The following FNBP4 variants were observed in gnomAD, a reference collection of about 807,000 sequenced individuals.
FNBP4 encodes the protein formin-binding protein 4.
FNBP4 carries 34 observed loss-of-function variants against 119.3 expected under a neutral mutation model. That is an observed-to-expected ratio of 0.28 (90% CI 0.22 to 0.38). FNBP4 has a LOEUF of 0.38. Among genes scored for constraint, FNBP4 ranks in the 10% least tolerant of loss-of-function variants. FNBP4 has a pLI of 1.00. For missense variants in FNBP4, 1,112 were observed against 1,228.9 expected (o/e 0.90, Z 1.42); for synonymous variants, 462 against 430.6 (o/e 1.07, Z -0.90).
intron 12 of FNBP4, among the ~76,000 whole-genome samples, chr11:47,728,103 C>T (rs1023418142): frequency 1.3e-5 from 2 of 151,836 alleles, no homozygotes; most frequent in Non-Finnish European, 2.9e-5. Flanking sequence ...CTTGAACTCC[C>T]GACCTCAGGT....
chr11:47,759,494 G>A (rs568958373), intron 2 of FNBP4, among the ~76,000 whole-genome samples: 27 of 152,074 alleles, frequency 1.8e-4, no homozygotes, highest in East Asian at 1.4e-3. Flanking sequence ...GATTACAGGC[G>A]TGAACCATGG....
rs374223865 is a variant in FNBP4, at chr11:47,756,758, T to C, written c.314-2094A>G. ...CCCACCCTGTGTCCAAATGTTCTCATTGTTCAATTCCTACCTATGAGTGAG... is the reference window on the plus strand; with the variant it reads ...CCCACCCTGTGTCCAAATGTTCTCACTGTTCAATTCCTACCTATGAGTGAG... On this transcript the variant is annotated intron_variant, in intron 2 of 16. Transcript: ENST00000263773. 2.0e-5 allele frequency among the ~76,000 whole-genome samples: 3 copies of C among 147,524 alleles called. No individual in the cohort carries two copies. In the East Asian group the frequency reaches 6.5e-4, roughly 32 times the overall value.
At chr11:47,725,642 C>T in intron 12 of FNBP4, 4 of 334,716 alleles carry the variant, frequency 1.2e-5, no homozygotes, top group Non-Finnish European at 1.7e-5. Flanking sequence ...GTTGCAGGAT[C>T]AGCTTTCCTC....
At chr11:47,719,418 G>C (rs1404258562) in intron 16 of FNBP4, among the ~76,000 whole-genome samples, 2 of 152,198 alleles carry the variant, frequency 1.3e-5, no homozygotes, top group African/African-American at 4.8e-5. Flanking sequence ...GTGCAATTGA[G>C]AAGGCAGCTC....
chr11:47,761,262 T>C (rs1212076307), intron 2 of FNBP4, among the ~76,000 whole-genome samples: 1 of 152,078 alleles, frequency 6.6e-6, no homozygotes, highest in East Asian at 1.9e-4. Flanking sequence ...ACACTGAAAA[T>C]AAACGTTCAC....
chr11:47,752,907 C>G lies in FNBP4; in HGVS notation c.637+9G>C. 6.3e-7 allele frequency: 1 copy of G among 1,598,434 alleles called. No individual in the cohort carries two copies. The highest frequency in any genetic ancestry group is 1.8e-5 in the Admixed American group (1 of 56,244). On this transcript the variant is annotated intron_variant, in intron 4 of 16. Transcript: ENST00000263773. ...TACTTTTCTTTAAAAATCAAAGGAT[C>G]AAGTTTACCTCCTGCCAGTGAACAC...
chr11:47,762,052 G>T (rs112267819), intron 2 of FNBP4, among the ~76,000 whole-genome samples: 1 of 151,650 alleles, frequency 6.6e-6, no homozygotes, highest in East Asian at 1.9e-4. Context: ...TGGTCAGGCT[G>T]GTCTCGAACT....
At chr11:47,765,222 A>T in intron 2 of FNBP4, 48 bp downstream of exon 2, 1 of 1,288,018 alleles carries the variant, frequency 7.8e-7, no homozygotes, top group Non-Finnish European at 1.1e-6. Flanking sequence ...ACTTGACTTT[A>T]ATGAAAGACG....
chr11:47,733,369 G>A (rs1007195494), intron 10 of FNBP4, among the ~76,000 whole-genome samples: 1 of 151,618 alleles, frequency 6.6e-6, no homozygotes, highest in Non-Finnish European at 1.5e-5. Context: ...CTCGGACTCT[G>A]GCTCTGTTGC....
At position 47,731,485 on chromosome 11, in the gene FNBP4, C is replaced by G; in HGVS notation, c.1897G>C (p.Glu633Gln). 1.2e-6 allele frequency: 2 copies of G among 1,614,082 alleles called. No individual in the cohort carries two copies. Among genetic ancestry groups the G allele is most frequent in the Non-Finnish European group, 8.5e-7 (1 of 1,180,028 alleles). Residue 633 changes from glutamate (E) to glutamine (Q), a missense_variant, in exon 12 of 17, where the codon GAA becomes CAA. By Grantham distance (29) the Glu-to-Gln change is conservative (BLOSUM62 2). This residue lies in a region of FNBP4 where 826 missense variants were observed against 988.8 expected (regional missense o/e 0.84). Coordinates refer to ENST00000263773, the MANE Select transcript of FNBP4 (RefSeq NM_015308.5). ...QWEFPDGEEE[E>Q]EESQAQENRD... ...TTTTCTTGTGCTTGGCTTTCTTCTT[C>G]TTCCTCTTCACCATCTGGAAACTCC...
intron 16 of FNBP4, among the ~76,000 whole-genome samples, chr11:47,719,720 G>A (rs2097553521): frequency 6.6e-6 from 1 of 151,812 alleles, no homozygotes. Context: ...CAACTCTGTT[G>A]TTTCTGATTT....
chr11:47,721,112 G>T (rs1046590888), intron 15 of FNBP4, among the ~76,000 whole-genome samples: 1 of 151,384 alleles, frequency 6.6e-6, no homozygotes, highest in African/African-American at 2.4e-5. Flanking sequence ...ACGAGGTCAG[G>T]TGATCGAGAC....
intron 9 of FNBP4, among the ~76,000 whole-genome samples, chr11:47,735,113 G>A (rs1048038792): frequency 1.3e-5 from 2 of 151,774 alleles, no homozygotes; most frequent in African/African-American, 4.8e-5. Context: ...CCAAGGTAAC[G>A]TGATATGTAA....
chr11:47,740,498 A>T (rs562485158), intron 8 of FNBP4, among the ~76,000 whole-genome samples: 25 of 151,686 alleles, frequency 1.6e-4, no homozygotes, highest in African/African-American at 5.8e-4. Flanking sequence ...CTCTGCCATC[A>T]CAGCCACACC....
intron 12 of FNBP4, chr11:47,729,662 A>C: frequency 1.0e-6 from 1 of 973,740 alleles, no homozygotes; most frequent in Non-Finnish European, 1.2e-6. Context: ...GGCGTGGGCC[A>C]CTAACTATGC....
At chr11:47,742,982 C>A (rs2097584420) in intron 8 of FNBP4, among the ~76,000 whole-genome samples, 2 of 150,782 alleles carry the variant, frequency 1.3e-5, no homozygotes, top group South Asian at 2.1e-4. Context: ...TTGTTTGGTT[C>A]TTTGTTTCTT....
At position 47,753,301 on chromosome 11, in the gene FNBP4, C is replaced by G. The variant is rs993530267; in HGVS notation, c.451-199G>C. Among the ~76,000 whole-genome samples, 8 of 152,026 alleles carry G rather than the reference C, an allele frequency of 5.3e-5. No individual in the cohort carries two copies. In the East Asian group the frequency reaches 1.5e-3, roughly 29 times the overall value. On this transcript the variant is annotated intron_variant, in intron 3 of 16. Transcript: ENST00000263773. ...ACCAGGCTGGCCAACATGGTGAAATCTCCCTCTACTAAAAATAAAAAAAAT... is the reference window on the plus strand; with the variant it reads ...ACCAGGCTGGCCAACATGGTGAAATGTCCCTCTACTAAAAATAAAAAAAAT...
chr11:47,732,431 C>A lies in FNBP4; in HGVS notation c.1820+106G>T. 1 of 1,564,224 alleles carries A rather than the reference C, an allele frequency of 6.4e-7. No individual in the cohort carries two copies. Among genetic ancestry groups the A allele is most frequent in the Non-Finnish European group, 8.7e-7 (1 of 1,154,410 alleles). ...GCCTGCCCAGCACCGCTAACTGCAG[C>A]TGCTCTCAGTCTCCAGACAGGCTGT... is the stretch of plus-strand genomic sequence containing the variant. On this transcript the variant is annotated intron_variant, in intron 11 of 16. Transcript: ENST00000263773. The surrounding 1 kb of genome is among the most constrained non-coding windows in gnomAD (Gnocchi z 4.2).
rs2097557767 is a variant in FNBP4, at chr11:47,723,266, T to A, written c.2515A>T (p.Thr839Ser). 1 of 1,613,880 alleles carries A rather than the reference T, an allele frequency of 6.2e-7. No homozygotes were observed. The highest frequency in any genetic ancestry group is 1.7e-5 in the Admixed American group (1 of 59,990). ...GNQATGIGHQ[T>S]IPVSLPAAGM... is the part of the protein sequence containing the mutation. ...GCTGCTGGAAGGCTAACTGGTATTG[T>A]CTGATGTCCAATTCCTGTTGCCTGG... is the stretch of plus-strand genomic sequence containing the variant. The change falls in exon 15 of 17, where the codon ACA becomes TCA. Residue 839 changes from threonine (T) to serine (S), a missense_variant. Thr to Ser is a moderately conservative substitution (Grantham distance 58, BLOSUM62 1). This residue lies in a region of FNBP4 where 826 missense variants were observed against 988.8 expected (regional missense o/e 0.84). Coordinates refer to ENST00000263773, the MANE Select transcript of FNBP4 (RefSeq NM_015308.5).
Sources: gnomAD v4.1 joint callset for allele counts (sites outside exome capture counted in the v4.1 genomes callset) on GRCh38, gnomAD v4.1.1 for gene constraint, gnomAD v4.1.1 regional missense constraint, Gnocchi (gnomAD v3.1) non-coding constraint, MANE v1.5 for transcripts, NCBI Gene and HGNC (gene_info 2026-07-23, HGNC 2026-07-21) for gene names.